Variants in BLTP2 observed in about 807,000 individuals in gnomAD.
BLTP2 encodes the protein U937-associated antigen.
the BLTP2 span, chr17:28,628,471 C>T: frequency 1.9e-6 from 3 of 1,614,042 alleles, no homozygotes; most frequent in Non-Finnish European, 2.5e-6. Flanking sequence ...GGCAATGTCT[C>T]GATTGGTAGT....
At chr17:28,628,279 T>C in the BLTP2 span, 3 of 1,614,098 alleles carry the variant, frequency 1.9e-6, no homozygotes, top group Non-Finnish European at 8.5e-7. Flanking sequence ...TGATGACCCC[T>C]TATCAGGTTG....
chr17:28,624,181 A>G, the BLTP2 span: 1 of 1,578,100 alleles, frequency 6.3e-7, no homozygotes, highest in African/African-American at 1.3e-5. Context: ...GAAGGGGAAC[A>G]ATATGATCAT....
At chr17:28,633,140 G>A in the BLTP2 span, 1 of 1,580,324 alleles carries the variant, frequency 6.3e-7, no homozygotes, top group African/African-American at 1.3e-5. Context: ...TCAGGCAGGT[G>A]AAGGAAGCAG....
the BLTP2 span, chr17:28,620,878 C>A: frequency 9.4e-7 from 1 of 1,063,092 alleles, no homozygotes; most frequent in Non-Finnish European, 1.4e-6. Flanking sequence ...AATGTTAATG[C>A]CAGTGCACAG....
chr17:28,618,653 C>G, the BLTP2 span: 47 of 641,062 alleles, frequency 7.3e-5, no homozygotes, highest in Non-Finnish European at 1.2e-4. Flanking sequence ...TTAATGAGCT[C>G]GTTAATATTA....
the BLTP2 span, chr17:28,643,589 G>A: frequency 6.2e-7 from 1 of 1,608,524 alleles, no homozygotes; most frequent in Non-Finnish European, 8.5e-7. Context: ...TAGGGGAGAA[G>A]TGAGAATATA....
chr17:28,625,999 G>A, the BLTP2 span, among the ~76,000 whole-genome samples: 2 of 152,160 alleles, frequency 1.3e-5, no homozygotes, highest in South Asian at 2.1e-4. Context: ...TCCTGACCTC[G>A]TGATCCATCC....
At chr17:28,620,566 A>G in the BLTP2 span, 36 of 1,614,070 alleles carry the variant, frequency 2.2e-5, no homozygotes, top group Non-Finnish European at 2.8e-5. Flanking sequence ...GGATCATGGC[A>G]TACTGAGCTG....
At chr17:28,632,586 C>A in the BLTP2 span, among the ~76,000 whole-genome samples, 2 of 152,088 alleles carry the variant, frequency 1.3e-5, no homozygotes, top group East Asian at 3.9e-4. Context: ...CTCACTGACT[C>A]CTTCCACCAT....
At chr17:28,635,414 G>A in the BLTP2 span, 3 of 1,614,038 alleles carry the variant, frequency 1.9e-6, no homozygotes, top group African/African-American at 1.3e-5. Flanking sequence ...AGCCGCTTTG[G>A]GGGTAATGGC....
the BLTP2 span, chr17:28,633,987 C>T: frequency 4.3e-6 from 7 of 1,613,972 alleles, no homozygotes; most frequent in Middle Eastern, 1.6e-4. Flanking sequence ...CTGACGCCGA[C>T]GGGAGCAAGG....
At chr17:28,623,994 G>A in the BLTP2 span, 3 of 1,604,616 alleles carry the variant, frequency 1.9e-6, no homozygotes, top group Non-Finnish European at 2.6e-6. Flanking sequence ...GCAGAGTTAA[G>A]CTACCAAGGA....
chr17:28,642,408 TTGGGAGGCCAAGG>T, the BLTP2 span: 2,254 of 1,245,008 alleles, frequency 1.8e-3, 28 homozygotes, highest in African/African-American at 0.028. Context: ...CCCCAGCACT[TTGGGAGGCCAAGG>T]TGGGAGGATC....
At chr17:28,624,129 T>C in the BLTP2 span, 1 of 1,443,580 alleles carries the variant, frequency 6.9e-7, no homozygotes, top group South Asian at 1.3e-5. Flanking sequence ...GAAGGCCAAA[T>C]TTTTTGGAGC....
the BLTP2 span, chr17:28,621,257 G>A: frequency 6.7e-6 from 10 of 1,487,474 alleles, no homozygotes; most frequent in Non-Finnish European, 9.3e-6. Flanking sequence ...AGAAACTCCA[G>A]AAACACTGCT....
chr17:28,614,917 G>GC, the BLTP2 span: 1 of 725,906 alleles, frequency 1.4e-6, no homozygotes, highest in East Asian at 2.5e-5. Flanking sequence ...ATGCCCTGCA[G>GC]CGAACAGACC....
chr17:28,632,996 G>A, the BLTP2 span: 25 of 1,570,264 alleles, frequency 1.6e-5, no homozygotes, highest in Middle Eastern at 3.4e-4. Flanking sequence ...TTCTCCGAGC[G>A]AAAGGCCCGG....
At chr17:28,637,703 G>A in the BLTP2 span, 70 of 740,688 alleles carry the variant, frequency 9.5e-5, no homozygotes, top group East Asian at 1.5e-3. Context: ...ACAGAGTCTC[G>A]CTCGTTTGCC....
chr17:28,639,860 C>T, the BLTP2 span: 1 of 1,610,160 alleles, frequency 6.2e-7, no homozygotes, highest in Non-Finnish European at 8.5e-7. Flanking sequence ...AGTATCTAGT[C>T]CTCCCATTCT....
Sources: allele counts gnomAD v4.1 joint callset (sites outside exome capture counted in the v4.1 genomes callset), GRCh38; gene constraint gnomAD v4.1.1; transcripts MANE v1.5; gene names NCBI Gene and HGNC (gene_info 2026-07-23, HGNC 2026-07-21).